The following IP6K1 variants were observed in gnomAD, a reference collection of about 807,000 sequenced individuals.
IP6K1 encodes inositol hexakisphosphate kinase 1, also known as ATP:1D-myo-inositol-hexakisphosphate phosphotransferase.
In IP6K1, 13 loss-of-function variants were observed where a neutral mutation model predicts 38.3. The observed-to-expected ratio is 0.34, with a 90% CI of 0.22 to 0.54. The LOEUF is 0.54. Among genes scored for constraint, IP6K1 ranks in the 20% least tolerant of loss-of-function variants. The probability of loss-of-function intolerance (pLI) is 0.92; values close to 1 mark genes in which losing one functional copy is unlikely to be tolerated. For missense variants in IP6K1, 397 were observed against 599.8 expected (o/e 0.66, Z 3.53); for synonymous variants, 212 against 229.9 (o/e 0.92, Z 0.70).
At chr3:49,732,754 C>T (rs749544370) in intron 4 of IP6K1, 37 bp downstream of exon 4, 1 of 1,575,446 alleles carries the variant, frequency 6.3e-7, no homozygotes, top group Non-Finnish European at 8.7e-7. Context: ...ACCTATGGAC[C>T]CAGTAGACAC....
chr3:49,746,898 G>A (rs1200721027), intron 2 of IP6K1, among the ~76,000 whole-genome samples: 1 of 152,164 alleles, frequency 6.6e-6, no homozygotes, highest in Non-Finnish European at 1.5e-5. Flanking sequence ...GGGATCAGAT[G>A]ATGGAAGAAT....
intron 1 of IP6K1, among the ~76,000 whole-genome samples, chr3:49,760,623 CAAAAAAAAAA>C (rs56070382): frequency 2.0e-5 from 2 of 100,354 alleles, no homozygotes; most frequent in South Asian, 3.4e-4. Context: ...GACTTCGTCT[CAAAAAAAAAA>C]AAAAAAAAAA....
chr3:49,731,382 T>C (rs1396727529), intron 4 of IP6K1, among the ~76,000 whole-genome samples: 1 of 152,186 alleles, frequency 6.6e-6, no homozygotes, highest in African/African-American at 2.4e-5. Context: ...GAACATTTCA[T>C]TCTTTTGAAA....
At chr3:49,728,044 T>G in intron 5 of IP6K1, 59 bp downstream of exon 5, 1 of 1,542,408 alleles carries the variant, frequency 6.5e-7, no homozygotes, top group Non-Finnish European at 8.9e-7. Flanking sequence ...CAGGCAGGTA[T>G]GAGCACAACC....
chr3:49,758,734 G>C (rs1486103070), intron 1 of IP6K1: 1 of 152,210 alleles, frequency 6.6e-6, no homozygotes, highest in African/African-American at 2.4e-5. Flanking sequence ...AGGTGAGGCA[G>C]GCAGATCACC....
At chr3:49,754,204 CAA>C (rs11352355) in intron 1 of IP6K1, among the ~76,000 whole-genome samples, 20 of 147,644 alleles carry the variant, frequency 1.4e-4, no homozygotes, top group South Asian at 2.1e-4. Flanking sequence ...TCACTTTTAC[CAA>C]AAAAAAAAAA....
At position 49,732,821 on chromosome 3, in the gene IP6K1, G is replaced by A. The variant is rs1331140159; in HGVS notation, c.586C>T (p.Arg196Cys). ...RCHKQQLSRM[R>C]SESKDRKLYK... is the part of the protein sequence containing the mutation. ...AGCTTTCGGTCCTTGGACTCGGAGCGCATGCGGCTCAGCTGCTGCTTGTGA... is the reference window on the plus strand; with the variant it reads ...AGCTTTCGGTCCTTGGACTCGGAGCACATGCGGCTCAGCTGCTGCTTGTGA... The change falls in exon 4 of 6, where the codon CGC becomes TGC. Residue 196 changes from arginine (R) to cysteine (C), a missense_variant. Arg to Cys is a radical substitution (Grantham distance 180, BLOSUM62 -3). Coordinates refer to ENST00000321599, the MANE Select transcript of IP6K1 (RefSeq NM_153273.4). The A allele has an allele frequency of 3.1e-6, 5 of 1,613,850 alleles. No homozygotes were observed. The highest frequency in any genetic ancestry group is 4.2e-6 in the Non-Finnish European group (5 of 1,179,830).
intron 3 of IP6K1, among the ~76,000 whole-genome samples, chr3:49,736,508 T>TA (rs1027939849): frequency 4.6e-5 from 7 of 152,202 alleles, no homozygotes; most frequent in African/African-American, 1.7e-4. Context: ...TCATTTAACA[T>TA]AATGTTTTCA....
At chr3:49,784,797 T>C (rs2081096838) in intron 1 of IP6K1, among the ~76,000 whole-genome samples, 1 of 151,428 alleles carries the variant, frequency 6.6e-6, no homozygotes, top group African/African-American at 2.4e-5. Flanking sequence ...ATACAAAAAT[T>C]AGCCAGGTGT....
At chr3:49,748,571 T>C (rs1205887433) in intron 1 of IP6K1, among the ~76,000 whole-genome samples, 1 of 152,208 alleles carries the variant, frequency 6.6e-6, no homozygotes, top group Non-Finnish European at 1.5e-5. Context: ...GGATATCCAG[T>C]ACTGGTAAGG....
intron 1 of IP6K1, among the ~76,000 whole-genome samples, chr3:49,760,623 CAAAAA>C (rs56070382): frequency 5.0e-5 from 5 of 100,346 alleles, no homozygotes; most frequent in South Asian, 3.4e-4. Flanking sequence ...GACTTCGTCT[CAAAAA>C]AAAAAAAAAA....
rs180715403 is a variant in IP6K1, at chr3:49,726,935, G to C, written c.*187C>G. On this transcript the variant is annotated 3_prime_UTR_variant, in exon 6 of 6. Coordinates refer to ENST00000321599, the MANE Select transcript of IP6K1 (RefSeq NM_153273.4). Reference sequence around the variant, plus strand: ...AGCTGAGGAGCCTGGCTGAGAGGGCGTGTGGTCTGCCCTCCTTCACTTTAT... The same window carrying C: ...AGCTGAGGAGCCTGGCTGAGAGGGCCTGTGGTCTGCCCTCCTTCACTTTAT... 16 of 596,058 alleles carry C rather than the reference G, an allele frequency of 2.7e-5. No individual in the cohort carries two copies. Among genetic ancestry groups the C allele is most frequent in the Middle Eastern group, 4.6e-4 (1 of 2,182 alleles). The allele number at this position is 596,058 out of a possible 1,614,324, so 36.9% of individuals were successfully genotyped here.
chr3:49,751,590 C>T (rs2080778064), intron 1 of IP6K1, among the ~76,000 whole-genome samples: 1 of 152,178 alleles, frequency 6.6e-6, no homozygotes, highest in African/African-American at 2.4e-5. Flanking sequence ...TCTTTCTCTG[C>T]TACTTCATTG....
intron 1 of IP6K1, among the ~76,000 whole-genome samples, chr3:49,757,323 T>A (rs118004892): frequency 6.6e-6 from 1 of 152,204 alleles, no homozygotes; most frequent in African/African-American, 2.4e-5. Flanking sequence ...TGGGGACAAG[T>A]TGACAGGACT....
intron 1 of IP6K1, among the ~76,000 whole-genome samples, chr3:49,775,813 C>T (rs1382253755): frequency 6.6e-6 from 1 of 152,112 alleles, no homozygotes; most frequent in African/African-American, 2.4e-5. Context: ...ACAGAGCACT[C>T]TGGCACACTG....
At chr3:49,763,646 A>G (rs1345130533) in intron 1 of IP6K1, among the ~76,000 whole-genome samples, 1 of 152,170 alleles carries the variant, frequency 6.6e-6, no homozygotes, top group African/African-American at 2.4e-5. Context: ...AAATAAGGAG[A>G]AAAGCCATAA....
intron 1 of IP6K1, among the ~76,000 whole-genome samples, chr3:49,784,519 C>G (rs1312547506): frequency 6.6e-6 from 1 of 151,938 alleles, no homozygotes; most frequent in Non-Finnish European, 1.5e-5. Context: ...GTGGCACGCA[C>G]CTGTAATCCC....
rs933570418 is a variant in IP6K1, at chr3:49,763,264, G to A, written c.-128-15096C>T. Among the ~76,000 whole-genome samples, 9 of 127,332 alleles carry A rather than the reference G, an allele frequency of 7.1e-5. No individual in the cohort carries two copies. The South Asian group carries it at 7.1e-4, about 10-fold the overall frequency. 83.5% of individuals were successfully genotyped at this position (127,332 alleles called of 152,430 possible). On this transcript the variant is annotated intron_variant, in intron 1 of 5. Coordinates refer to ENST00000321599, the MANE Select transcript of IP6K1 (RefSeq NM_153273.4). ...GACTACAGGCGCCCGCCACACACCCGGCTAATTTTTTTTGTATTTTTTAGT... is the reference window on the plus strand; with the variant it reads ...GACTACAGGCGCCCGCCACACACCCAGCTAATTTTTTTTGTATTTTTTAGT...
rs185420965 is a variant in IP6K1, at chr3:49,767,910, C to T, written c.-129+18444G>A. Among the ~76,000 whole-genome samples, 9 of 152,032 alleles carry T rather than the reference C, an allele frequency of 5.9e-5. No individual in the cohort carries two copies. The East Asian group carries it at 1.5e-3, about 26-fold the overall frequency. On this transcript the variant is annotated intron_variant, in intron 1 of 5. Coordinates refer to ENST00000321599, the MANE Select transcript of IP6K1 (RefSeq NM_153273.4). ...AACCCAATTCATAAATGGGCAAAGG[C>T]CTTAGACATTTCTCTGAAGATTTAC...
Sources: gnomAD v4.1 joint callset for allele counts (sites outside exome capture counted in the v4.1 genomes callset) on GRCh38, gnomAD v4.1.1 for gene constraint, MANE v1.5 for transcripts, NCBI Gene and HGNC (gene_info 2026-07-23, HGNC 2026-07-21) for gene names.